Variants in MLLT3 observed in about 807,000 individuals in gnomAD.
The protein encoded by MLLT3 is MLLT3 super elongation complex subunit.
Under a neutral mutation model 53.2 loss-of-function variants are expected in MLLT3, and 4 were observed. The observed-to-expected ratio is 0.08, with a 90% CI of 0.04 to 0.17. The LOEUF is 0.17. Among genes scored for constraint, MLLT3 ranks in the 10% least tolerant of loss-of-function variants. The pLI, the probability that MLLT3 is intolerant of heterozygous loss-of-function variation, is 1.00. For synonymous variants in MLLT3, 283 were observed against 230.6 expected (o/e 1.23, Z -2.06); for missense variants, 569 against 684.0 (o/e 0.83, Z 1.87).
intron 2 of MLLT3, among the ~76,000 whole-genome samples, chr9:20,461,819 C>A (rs906622142): frequency 1.3e-5 from 2 of 152,050 alleles, no homozygotes; most frequent in African/African-American, 4.8e-5. Context: ...AGAACATGGC[C>A]CAGTTGCCCA....
intron 2 of MLLT3, among the ~76,000 whole-genome samples, chr9:20,526,676 T>C (rs1455283711): frequency 6.6e-6 from 1 of 152,182 alleles, no homozygotes; most frequent in Non-Finnish European, 1.5e-5. Context: ...CATATGCACA[T>C]TCCTAGGAGT....
chr9:20,586,125 C>G lies in MLLT3; in HGVS notation c.193+34529G>C, dbSNP rs143638127. On this transcript the variant is annotated intron_variant, in intron 2 of 10. Transcript: ENST00000380338. ...TTGCACTCAGGAGTTTGCGACCAGC[C>G]GGGCAACATAGCGAGGCTTCATCTC... is the stretch of plus-strand genomic sequence containing the variant. Among the ~76,000 whole-genome samples the G allele has an allele frequency of 1.9e-3, 282 of 152,114 alleles. 2 individuals carry two copies. Among genetic ancestry groups the G allele is most frequent in the African/African-American group, 6.7e-3 (277 of 41,502 alleles).
chr9:20,495,295 C>A (rs1419684718), intron 2 of MLLT3, among the ~76,000 whole-genome samples: 1 of 152,162 alleles, frequency 6.6e-6, no homozygotes. Flanking sequence ...CTTGTTGGAA[C>A]TACAAAATCT....
intron 2 of MLLT3, among the ~76,000 whole-genome samples, chr9:20,566,842 A>G (rs990126159): frequency 1.1e-4 from 16 of 152,172 alleles, no homozygotes; most frequent in African/African-American, 3.9e-4. Flanking sequence ...CAGGTGGTAC[A>G]CCAAATGATC....
intron 5 of MLLT3, among the ~76,000 whole-genome samples, chr9:20,382,124 A>AT (rs908370792): frequency 6.6e-6 from 1 of 151,658 alleles, no homozygotes; most frequent in Non-Finnish European, 1.5e-5. Context: ...CTTTTTCTCT[A>AT]TTTTTTTCTT....
Position 20,573,747 on chromosome 9 carries a change from A to G in MLLT3, c.193+46907T>C, listed in dbSNP as rs1488881615. Among the ~76,000 whole-genome samples, 5 of 152,342 alleles carry G rather than the reference A, an allele frequency of 3.3e-5. No individual in the cohort carries two copies. The East Asian group carries it at 5.8e-4, about 18-fold the overall frequency. On this transcript the variant is annotated intron_variant, in intron 2 of 10. Coordinates refer to ENST00000380338, the MANE Select transcript of MLLT3 (RefSeq NM_004529.4). The stretch of plus-strand genomic sequence containing the variant: ...CAAAAAGGCTTTGAAAAACTGGAAC[A>G]TAATAAAAACAGTGTTAACAGTAAC...
At chr9:20,402,824 A>G (rs1234684464) in intron 5 of MLLT3, among the ~76,000 whole-genome samples, 1 of 152,150 alleles carries the variant, frequency 6.6e-6, no homozygotes, top group Non-Finnish European at 1.5e-5. Context: ...ACAAGACATG[A>G]AGCACTGCAG....
intron 5 of MLLT3, among the ~76,000 whole-genome samples, chr9:20,375,690 G>C (rs1260794005): frequency 6.7e-6 from 1 of 148,162 alleles, no homozygotes; most frequent in Non-Finnish European, 1.5e-5. Context: ...CTCACTGAAA[G>C]CTCCGCCTCC....
intron 2 of MLLT3, among the ~76,000 whole-genome samples, chr9:20,521,059 A>T (rs1818043976): frequency 6.8e-6 from 1 of 146,940 alleles, no homozygotes; most frequent in African/African-American, 2.5e-5. Context: ...TAAGCTGTAA[A>T]CTTTTTTTTT....
chr9:20,564,338 C>G (rs1187225665), intron 2 of MLLT3, among the ~76,000 whole-genome samples: 1 of 149,454 alleles, frequency 6.7e-6, no homozygotes, highest in Non-Finnish European at 1.5e-5. Context: ...AATGAGGAGA[C>G]TTAGAAAAGA....
chr9:20,447,685 T>A (rs1017496628), intron 4 of MLLT3, among the ~76,000 whole-genome samples: 1 of 152,200 alleles, frequency 6.6e-6, no homozygotes, highest in African/African-American at 2.4e-5. Flanking sequence ...AAACATGTAG[T>A]ATGAGTGAAG....
intron 4 of MLLT3, among the ~76,000 whole-genome samples, chr9:20,438,895 C>T (rs1473116267): frequency 6.6e-6 from 1 of 151,892 alleles, no homozygotes; most frequent in African/African-American, 2.4e-5. Flanking sequence ...TTGATTGGAC[C>T]AGTTTGTTTC....
At chr9:20,536,486 A>G (rs2119004217) in intron 2 of MLLT3, among the ~76,000 whole-genome samples, 1 of 152,352 alleles carries the variant, frequency 6.6e-6, no homozygotes, top group East Asian at 1.9e-4. Flanking sequence ...TGAGCACGCC[A>G]TAAAAACCAA....
intron 2 of MLLT3, among the ~76,000 whole-genome samples, chr9:20,502,759 C>G (rs1365045387): frequency 1.3e-5 from 2 of 152,094 alleles, no homozygotes; most frequent in Non-Finnish European, 2.9e-5. Context: ...GGAACCAATC[C>G]CCTGCAGATA....
intron 5 of MLLT3, among the ~76,000 whole-genome samples, chr9:20,368,489 C>A (rs1178012646): frequency 6.6e-6 from 1 of 152,172 alleles, no homozygotes; most frequent in Non-Finnish European, 1.5e-5. Context: ...AGGAGCCACT[C>A]TGCCAGAGCT....
chr9:20,525,504 T>C (rs1818178345), intron 2 of MLLT3, among the ~76,000 whole-genome samples: 1 of 152,016 alleles, frequency 6.6e-6, no homozygotes, highest in African/African-American at 2.4e-5. Context: ...AAATAAAAAA[T>C]AAAAAATAAA....
intron 5 of MLLT3, among the ~76,000 whole-genome samples, chr9:20,373,464 G>T (rs796143139): frequency 1.3e-5 from 2 of 152,278 alleles, no homozygotes; most frequent in African/African-American, 4.8e-5. Flanking sequence ...AGATCACAGG[G>T]GAGGCCTGCA....
chr9:20,475,614 G>C (rs1179421684), intron 2 of MLLT3, among the ~76,000 whole-genome samples: 1 of 152,040 alleles, frequency 6.6e-6, no homozygotes. Flanking sequence ...ATTAAATATG[G>C]TATTTGGTGC....
At chr9:20,457,795 C>T (rs990754206) in intron 2 of MLLT3, among the ~76,000 whole-genome samples, 2 of 152,130 alleles carry the variant, frequency 1.3e-5, no homozygotes, top group African/African-American at 4.8e-5. Context: ...ATGAGAGACC[C>T]TAAGAAGCCA....
Sources: gnomAD v4.1 joint callset for allele counts (sites outside exome capture counted in the v4.1 genomes callset) on GRCh38, gnomAD v4.1.1 for gene constraint, MANE v1.5 for transcripts, NCBI Gene and HGNC (gene_info 2026-07-23, HGNC 2026-07-21) for gene names.